The following SLC14A2 variants were observed in gnomAD, a reference collection of about 807,000 sequenced individuals.
SLC14A2 encodes urea transporter 2.
SLC14A2 carries 91 observed loss-of-function variants against 104.6 expected under a neutral mutation model. The observed-to-expected ratio is 0.87, with a 90% CI of 0.73 to 1.04. The LOEUF (loss-of-function observed/expected upper bound fraction) is 1.04, where lower values mean the gene tolerates loss of function less well. Ranked by LOEUF, SLC14A2 falls within the 50% of genes least tolerant of loss-of-function variation. The pLI is 0.00. For missense variants in SLC14A2, 1,189 were observed against 1,156.0 expected (o/e 1.03, Z -0.41); for synonymous variants, 476 against 466.4 (o/e 1.02, Z -0.27).
intron 1 of SLC14A2, among the ~76,000 whole-genome samples, chr18:45,262,506 G>A (rs954314351): frequency 2.0e-5 from 3 of 152,206 alleles, no homozygotes; most frequent in African/African-American, 7.2e-5. Context: ...CCTAACCATA[G>A]CCCTGCCAGG....
chr18:45,362,909 C>T (rs1348218724), intron 1 of SLC14A2, among the ~76,000 whole-genome samples: 1 of 121,042 alleles, frequency 8.3e-6, no homozygotes, highest in East Asian at 2.0e-4. Flanking sequence ...GAGCTGCTCC[C>T]CCATGCTAGG....
chr18:45,194,537 A>C, the SLC14A2 span, among the ~76,000 whole-genome samples: 1 of 152,122 alleles, frequency 6.6e-6, no homozygotes, highest in Non-Finnish European at 1.5e-5. Flanking sequence ...TGCTCAGGGT[A>C]AACTCCATTT....
At chr18:45,334,320 AG>A (rs1248419465) in intron 1 of SLC14A2, among the ~76,000 whole-genome samples, 2 of 152,360 alleles carry the variant, frequency 1.3e-5, no homozygotes, top group East Asian at 3.9e-4. Context: ...GACCCCAACC[AG>A]TAGCATGAGG....
intron 5 of SLC14A2, among the ~76,000 whole-genome samples, chr18:45,634,268 T>G (rs2045385674): frequency 6.6e-6 from 1 of 152,144 alleles, no homozygotes; most frequent in South Asian, 2.1e-4. Flanking sequence ...ATTTGTTGAG[T>G]GAAAGGTTGA....
At chr18:45,238,901 A>G (rs1359071640) in intron 1 of SLC14A2, among the ~76,000 whole-genome samples, 2 of 152,170 alleles carry the variant, frequency 1.3e-5, no homozygotes, top group Non-Finnish European at 2.9e-5. Flanking sequence ...GTTGTCCCCA[A>G]CCTCAAGGAC....
intron 1 of SLC14A2, among the ~76,000 whole-genome samples, chr18:45,456,641 GT>G (rs1360217364): frequency 1.3e-5 from 2 of 152,110 alleles, no homozygotes; most frequent in Non-Finnish European, 2.9e-5. Flanking sequence ...CCCTCTCCAC[GT>G]ACTGGAGGAC....
intron 5 of SLC14A2, among the ~76,000 whole-genome samples, chr18:45,635,818 A>C (rs764048226): frequency 5.3e-5 from 8 of 152,172 alleles, no homozygotes; most frequent in Non-Finnish European, 1.2e-4. Context: ...TGCAGGAGAG[A>C]AATGAGAAAA....
intron 2 of SLC14A2, among the ~76,000 whole-genome samples, chr18:45,570,302 G>A (rs1343553419): frequency 6.6e-6 from 1 of 151,844 alleles, no homozygotes; most frequent in Non-Finnish European, 1.5e-5. Flanking sequence ...TAAGACCCAG[G>A]CTCCAGACTC....
At chr18:45,648,917 C>T (rs2045677102) in intron 10 of SLC14A2, among the ~76,000 whole-genome samples, 1 of 152,160 alleles carries the variant, frequency 6.6e-6, no homozygotes, top group South Asian at 2.1e-4. Flanking sequence ...CTGCTCCTTT[C>T]CCAACACTCA....
intron 10 of SLC14A2, among the ~76,000 whole-genome samples, chr18:45,644,887 T>C (rs2045592298): frequency 6.6e-6 from 1 of 152,180 alleles, no homozygotes; most frequent in South Asian, 2.1e-4. Flanking sequence ...CTGGGATACA[T>C]GTGCAGAACA....
rs201658900 is a variant in SLC14A2, at chr18:45,236,574, TATAC to T, written c.-125+23387_-125+23390del. 4.1e-4 allele frequency among the ~76,000 whole-genome samples: 53 copies of T among 130,480 alleles called. 5 individuals are homozygous for T. The East Asian group carries it at 0.011, about 26-fold the overall frequency. 85.6% of individuals were successfully genotyped at this position (130,480 alleles called of 152,430 possible). On this transcript the variant is annotated intron_variant, in intron 1 of 20. Coordinates refer to the SLC14A2 transcript ENST00000586448. ...GTGTATATATGTGTATATATGTATATATACATATATATATGGGAAAAAGTATATA... is the reference window on the plus strand; with the variant it reads ...GTGTATATATGTGTATATATGTATATATATATATATGGGAAAAAGTATATA...
intron 19 of SLC14A2, among the ~76,000 whole-genome samples, chr18:45,680,384 G>A (rs1459167799): frequency 6.6e-6 from 1 of 152,132 alleles, no homozygotes; most frequent in Non-Finnish European, 1.5e-5. Flanking sequence ...ACAAAATCAA[G>A]TTTACCTAGT....
the SLC14A2 span, chr18:45,181,475 C>T: frequency 3.3e-5 from 5 of 152,210 alleles, no homozygotes; most frequent in Admixed American, 1.3e-4. Flanking sequence ...TGGGTCACCG[C>T]GTGGTCTTTT....
the SLC14A2 span, among the ~76,000 whole-genome samples, chr18:45,182,052 A>G: frequency 1.3e-5 from 2 of 150,360 alleles, no homozygotes; most frequent in Admixed American, 1.3e-4. Flanking sequence ...TCACACCATT[A>G]TATGTTTTTG....
intron 1 of SLC14A2, among the ~76,000 whole-genome samples, chr18:45,307,982 A>C (rs909735310): frequency 6.6e-6 from 1 of 152,218 alleles, no homozygotes; most frequent in African/African-American, 2.4e-5. Context: ...AAGAGGTAGC[A>C]GACACATCAC....
At chr18:45,619,837 T>A (rs762226412) in intron 1 of SLC14A2, among the ~76,000 whole-genome samples, 1 of 152,120 alleles carries the variant, frequency 6.6e-6, no homozygotes, top group Non-Finnish European at 1.5e-5. Context: ...TCCCTTCAAT[T>A]TGGGAGCACG....
intron 5 of SLC14A2, chr18:45,635,079 G>C (rs1272021837): frequency 5.9e-6 from 2 of 339,674 alleles, no homozygotes; most frequent in Non-Finnish European, 1.1e-5. Context: ...ATTTGCCTAA[G>C]TACCTAGGTT....
chr18:45,351,085 T>C (rs2085498938), intron 1 of SLC14A2, among the ~76,000 whole-genome samples: 1 of 152,194 alleles, frequency 6.6e-6, no homozygotes, highest in South Asian at 2.1e-4. Context: ...TGTGTAATTG[T>C]CTTTGTCTTC....
Position 45,562,953 on chromosome 18 carries a change from G to A in SLC14A2, c.-34-61678G>A, listed in dbSNP as rs547630390. The stretch of plus-strand genomic sequence containing the variant: ...GTTTAATTGAGTCGCCACTGAAAAA[G>A]AAATTATCCCTGTGCTATTAATTTT... On this transcript the variant is annotated intron_variant, in intron 2 of 20. Coordinates refer to the SLC14A2 transcript ENST00000586448. 2.0e-5 allele frequency among the ~76,000 whole-genome samples: 3 copies of A among 152,314 alleles called. No homozygotes were observed. In the East Asian group the frequency reaches 5.8e-4, roughly 29 times the overall value.
Sources: allele counts gnomAD v4.1 joint callset (sites outside exome capture counted in the v4.1 genomes callset), GRCh38; gene constraint gnomAD v4.1.1; transcripts MANE v1.5; gene names NCBI Gene and HGNC (gene_info 2026-07-23, HGNC 2026-07-21).